Variants in ASAH2B observed in about 807,000 individuals in gnomAD.
The protein encoded by ASAH2B is putative inactive neutral ceramidase B.
In ASAH2B, 1 loss-of-function variant was observed where a neutral mutation model predicts 2.9. The ratio of observed to expected loss-of-function variants is 0.34; its 90% CI spans 0.12 to 1.63. The LOEUF (loss-of-function observed/expected upper bound fraction) is 1.63, where lower values mean the gene tolerates loss of function less well. Ranked by LOEUF, ASAH2B falls within the 40% of genes most tolerant of loss-of-function variation. The pLI is 0.36. For synonymous variants in ASAH2B, 4 were observed against 13.3 expected, an observed-to-expected ratio of 0.30 and a Z score of 1.52; for missense variants, 9 against 37.7, an observed-to-expected ratio of 0.24 and a Z score of 1.99.
chr10:50,741,098 A>G (rs1045149482), intron 1 of ASAH2B, among the ~76,000 whole-genome samples: 9 of 152,388 alleles, frequency 5.9e-5, no homozygotes, highest in Admixed American at 3.9e-4. Context: ...TGGTAGCGAC[A>G]TGTGACTGTT....
Position 50,748,669 on chromosome 10 carries a change from T to C in ASAH2B, c.145-674T>C, listed in dbSNP as rs867222263. ...ATCCTCTCTATGATGCTCTGTGCTA[T>C]AAACTCAAGACTGTTTGGCTTTTGT... On this transcript the variant is annotated intron_variant, in intron 3 of 5. Transcript: ENST00000647317. Among the ~76,000 whole-genome samples, 1,095 of 151,200 alleles carry C rather than the reference T, an allele frequency of 7.2e-3. 4 individuals carry two copies. Among genetic ancestry groups the C allele is most frequent in the South Asian group, 0.012 (60 of 4,822 alleles).
chr10:50,755,553 A>G lies in ASAH2B; in HGVS notation c.*813A>G, dbSNP rs1837068802. The G allele has an allele frequency of 6.6e-6, 1 of 150,898 alleles. No homozygotes were observed. Among genetic ancestry groups the G allele is most frequent in the African/African-American group, 2.4e-5 (1 of 41,090 alleles). The allele number at this position is 150,898 out of a possible 1,614,324, so 9.3% of individuals were successfully genotyped here. A position where few individuals can be genotyped will look rare whatever the true frequency, so the allele number is the denominator to read the frequency against. Reference sequence around the variant, plus strand: ...TCCAAATGATTTTTTGACTCTTTTCATTAATCAAATTCACCCCAAACCAGA... The same window carrying G: ...TCCAAATGATTTTTTGACTCTTTTCGTTAATCAAATTCACCCCAAACCAGA... On this transcript the variant is annotated 3_prime_UTR_variant, in exon 6 of 6. Transcript: ENST00000647317.
At position 50,746,231 on chromosome 10, in the gene ASAH2B, A is replaced by G. The variant is rs542452299; in HGVS notation, c.144+957A>G. On this transcript the variant is annotated intron_variant, in intron 3 of 5. Coordinates refer to ENST00000647317, the MANE Select transcript of ASAH2B (RefSeq NM_001321958.2). ...TGAGTTTAACTCTTGAAGGTTCTAT[A>G]TATAAGTGAGATCATGTGGTATTTA... Among the ~76,000 whole-genome samples the G allele has an allele frequency of 3.0e-4, 45 of 151,568 alleles. No individual in the cohort carries two copies. The Middle Eastern group carries it at 0.01, about 34-fold the overall frequency.
chr10:50,742,244 A>G (rs1016373412), intron 1 of ASAH2B, among the ~76,000 whole-genome samples: 21 of 152,162 alleles, frequency 1.4e-4, no homozygotes, highest in South Asian at 8.3e-4. Context: ...TGAAGGAGAC[A>G]GAATTACCAG....
chr10:50,743,389 T>G (rs1406046669), intron 2 of ASAH2B, among the ~76,000 whole-genome samples: 4 of 150,682 alleles, frequency 2.7e-5, no homozygotes, highest in Non-Finnish European at 5.9e-5. Context: ...TTTCTAATCC[T>G]TGCCAGATTC....
At chr10:50,748,047 A>G (rs1839933185) in intron 3 of ASAH2B, among the ~76,000 whole-genome samples, 4 of 150,350 alleles carry the variant, frequency 2.7e-5, no homozygotes, top group South Asian at 4.2e-4. Context: ...TTACTAATTC[A>G]ATTTCTTTAC....
chr10:50,755,627 C>T lies in ASAH2B; in HGVS notation c.*887C>T, dbSNP rs1228415863. 1.3e-5 allele frequency: 2 copies of T among 151,792 alleles called. No individual in the cohort carries two copies. Among genetic ancestry groups the T allele is most frequent in the African/African-American group, 4.8e-5 (2 of 41,410 alleles). 9.4% of individuals were successfully genotyped at this position (151,792 alleles called of 1,614,324 possible). The stretch of plus-strand genomic sequence containing the variant: ...TTAAAAATATTACTGGCTGGGAAAG[C>T]ACTCCTCAAAGCAGAGGTTCTAAAT... On this transcript the variant is annotated 3_prime_UTR_variant, in exon 6 of 6. Coordinates refer to ENST00000647317, the MANE Select transcript of ASAH2B (RefSeq NM_001321958.2).
Position 50,754,687 on chromosome 10 carries a change from G to C in ASAH2B, c.430G>C (p.Val144Leu). ...NRKQDILKPA[V>L]ILSFEGTSPA... is the part of the protein sequence containing the mutation. ...GAAGCAGGACATTCTGAAGCCTGCT[G>C]TCATACTTTCATTTGAAGGCACTTC... Residue 144 changes from valine to leucine, a missense_variant, in exon 6 of 6, where the codon GTC (valine) becomes CTC (leucine). Transcript: ENST00000647317. 2 of 380,930 alleles carry C rather than the reference G, an allele frequency of 5.3e-6. No homozygotes were observed. The highest frequency in any genetic ancestry group is 4.2e-5 in the East Asian group (1 of 24,092). The allele number at this position is 380,930 out of a possible 1,614,324, so 23.6% of individuals were successfully genotyped here.
chr10:50,741,749 C>T (rs1839834519), intron 1 of ASAH2B, among the ~76,000 whole-genome samples: 1 of 152,024 alleles, frequency 6.6e-6, no homozygotes, highest in South Asian at 2.1e-4. Flanking sequence ...GATGGATAGT[C>T]TTGCATGCTA....
intron 2 of ASAH2B, among the ~76,000 whole-genome samples, chr10:50,744,081 A>G (rs1055890950): frequency 1.3e-5 from 2 of 151,214 alleles, no homozygotes; most frequent in African/African-American, 4.9e-5. Context: ...CTTTTTTTGA[A>G]TAACTGTTTG....
At chr10:50,748,571 G>A (rs1456772818) in intron 3 of ASAH2B, among the ~76,000 whole-genome samples, 1 of 151,278 alleles carries the variant, frequency 6.6e-6, no homozygotes, top group East Asian at 1.9e-4. Flanking sequence ...CTGGCTTCCA[G>A]TAGTTCCCTT....
rs1174113996 is a variant in ASAH2B at position 50,757,925 on chromosome 10, A to AT, written c.*3186dup. 1.3e-5 allele frequency: 2 copies of AT among 151,168 alleles called. No individual in the cohort carries two copies. The highest frequency in any genetic ancestry group is 3.0e-5 in the Non-Finnish European group (2 of 67,502). The allele number at this position is 151,168 out of a possible 1,614,324, so 9.4% of individuals were successfully genotyped here. On this transcript the variant is annotated 3_prime_UTR_variant, in exon 6 of 6. Transcript: ENST00000647317. ...CAGCCACTCAGTGGCTCTTCTTAAT[A>AT]TATTGACTTAATTCTTAGGCTTATC...
chr10:50,744,044 C>T (rs1249969576), intron 2 of ASAH2B, among the ~76,000 whole-genome samples: 3 of 150,516 alleles, frequency 2.0e-5, no homozygotes, highest in Non-Finnish European at 4.4e-5. Flanking sequence ...TTCATTTTAT[C>T]ATAATTTTGG....
At chr10:50,744,275 A>C (rs1839875239) in intron 2 of ASAH2B, among the ~76,000 whole-genome samples, 1 of 151,550 alleles carries the variant, frequency 6.6e-6, no homozygotes, top group Admixed American at 6.6e-5. Context: ...AGTGACAATG[A>C]AGAAAAATGC....
intron 5 of ASAH2B, among the ~76,000 whole-genome samples, chr10:50,753,091 C>G (rs1244455969): frequency 3.4e-5 from 5 of 148,712 alleles, no homozygotes; most frequent in Non-Finnish European, 4.5e-5. Context: ...AGAGACATAT[C>G]TCTTTGCCTT....
intron 2 of ASAH2B, 33 bp downstream of exon 2, chr10:50,743,043 C>A (rs201084180): frequency 1.1e-5 from 17 of 1,481,216 alleles, no homozygotes; most frequent in Middle Eastern, 3.5e-4. Flanking sequence ...TGCGTGCGTG[C>A]GTGTGTGTGT....
intron 3 of ASAH2B, among the ~76,000 whole-genome samples, chr10:50,747,216 T>C (rs1011028100): frequency 2.0e-5 from 3 of 151,162 alleles, no homozygotes; most frequent in Non-Finnish European, 4.4e-5. Flanking sequence ...TATCCAGTTT[T>C]CCCAGCAGCA....
intron 5 of ASAH2B, 71 bp from the exon 6 acceptor site, chr10:50,754,480 T>A (rs1457345568): frequency 7.1e-6 from 1 of 140,694 alleles, no homozygotes; most frequent in Non-Finnish European, 1.3e-5. Flanking sequence ...TGAATAATCA[T>A]GTATTTTTCT....
intron 3 of ASAH2B, among the ~76,000 whole-genome samples, chr10:50,746,681 A>G (rs2132723641): frequency 1.3e-5 from 2 of 149,544 alleles, no homozygotes; most frequent in South Asian, 4.2e-4. Context: ...GTCTTTTTAA[A>G]TATTATACAT....
Sources: allele counts gnomAD v4.1 joint callset (sites outside exome capture counted in the v4.1 genomes callset), GRCh38; gene constraint gnomAD v4.1.1; transcripts MANE v1.5; gene names NCBI Gene and HGNC (gene_info 2026-07-23, HGNC 2026-07-21).